ZSCAN4: variants seen among roughly 807,000 people sequenced by gnomAD.
The protein encoded by ZSCAN4 is zinc finger and SCAN domain-containing protein 4.
ZSCAN4 carries 18 observed loss-of-function variants against 18.3 expected under a neutral mutation model. The ratio of observed to expected loss-of-function variants is 0.98; its 90% CI spans 0.68 to 1.46. ZSCAN4 has a LOEUF of 1.46. Ranked by LOEUF, ZSCAN4 falls within the 40% of genes most tolerant of loss-of-function variation. The pLI, the probability that ZSCAN4 is intolerant of heterozygous loss-of-function variation, is 0.00. For synonymous variants in ZSCAN4, 193 were observed against 180.3 expected (o/e 1.07, Z -0.57); for missense variants, 498 against 511.4 (o/e 0.97, Z 0.25).
exon 5 of ZSCAN4, chr19:57,678,633 G>C (rs780652384): frequency 2.5e-6 from 4 of 1,613,856 alleles, no homozygotes; most frequent in East Asian, 2.2e-5. Flanking sequence ...TGTTTGTCCC[G>C]AGTGTCAAAA....
chr19:57,669,649 A>G (rs991112820), intron 1 of ZSCAN4, among the ~76,000 whole-genome samples: 4 of 149,258 alleles, frequency 2.7e-5, no homozygotes, highest in Non-Finnish European at 5.9e-5. Context: ...CTGGTCTCGA[A>G]CTCTTGACCT....
At chr19:57,665,579 T>C (rs1036214176), upstream of ZSCAN4, among the ~76,000 whole-genome samples, 5 of 152,196 alleles carry the variant, frequency 3.3e-5, no homozygotes, top group Non-Finnish European at 2.9e-5. Context: ...GGGTGAATCA[T>C]TGTTCTTTTG....
At chr19:57,670,968 C>A (rs544990486) in intron 2 of ZSCAN4, among the ~76,000 whole-genome samples, 1 of 151,832 alleles carries the variant, frequency 6.6e-6, no homozygotes, top group South Asian at 2.1e-4. Flanking sequence ...CTCAAGTGAT[C>A]CTTCCACCTT....
exon 5 of ZSCAN4, chr19:57,678,733 T>G (rs1473056309): frequency 6.2e-7 from 1 of 1,614,092 alleles, no homozygotes; most frequent in Non-Finnish European, 8.5e-7. Context: ...AAAAAGTCCT[T>G]CAGCCACAAA....
chr19:57,663,264 A>G, the ZSCAN4 span, among the ~76,000 whole-genome samples: 4 of 151,740 alleles, frequency 2.6e-5, no homozygotes, highest in Non-Finnish European at 5.9e-5. Context: ...GCAAAAAAAA[A>G]TCACTTCTAT....
chr19:57,673,165 C>T (rs943307728), intron 2 of ZSCAN4, among the ~76,000 whole-genome samples: 6 of 151,960 alleles, frequency 3.9e-5, no homozygotes, highest in Admixed American at 3.3e-4. Context: ...TCTCCTGCCT[C>T]AGCCTACCGA....
chr19:57,676,318 C>G, exon 3 of ZSCAN4: 1 of 1,614,176 alleles, frequency 6.2e-7, no homozygotes, highest in Non-Finnish European at 8.5e-7. Context: ...AATTCATATG[C>G]AAGGCAGGAA....
the ZSCAN4 span, among the ~76,000 whole-genome samples, chr19:57,655,194 C>T: frequency 3.3e-5 from 5 of 152,294 alleles, no homozygotes; most frequent in Non-Finnish European, 7.4e-5. Context: ...CTTCTTGAGC[C>T]TTGTGGGATA....
chr19:57,679,112 C>T (rs1191762224), exon 5 of ZSCAN4: 3 of 407,420 alleles, frequency 7.4e-6, no homozygotes, highest in African/African-American at 4.1e-5. Context: ...GGAACATTTC[C>T]AAGAACCAAT....
chr19:57,663,360 C>T, the ZSCAN4 span, among the ~76,000 whole-genome samples: 1 of 151,334 alleles, frequency 6.6e-6, no homozygotes, highest in Non-Finnish European at 1.5e-5. Context: ...CCTTTCTATA[C>T]CATTAAGATA....
At chr19:57,653,737 G>C in the ZSCAN4 span, among the ~76,000 whole-genome samples, 11 of 152,192 alleles carry the variant, frequency 7.2e-5, no homozygotes, top group African/African-American at 2.4e-4. Flanking sequence ...TCAACCTCAG[G>C]ACAGCCCTCA....
At chr19:57,661,870 T>C in the ZSCAN4 span, among the ~76,000 whole-genome samples, 3 of 151,984 alleles carry the variant, frequency 2.0e-5, no homozygotes, top group African/African-American at 4.8e-5. Context: ...AAATCTGAGG[T>C]CAGGAGTTCA....
the ZSCAN4 span, among the ~76,000 whole-genome samples, chr19:57,657,005 G>C: frequency 6.6e-6 from 1 of 151,252 alleles, no homozygotes; most frequent in African/African-American, 2.4e-5. Flanking sequence ...CAACGCTTTG[G>C]GGGGCTGAGG....
At chr19:57,656,295 G>C in the ZSCAN4 span, among the ~76,000 whole-genome samples, 97 of 152,298 alleles carry the variant, frequency 6.4e-4, 1 homozygote, top group East Asian at 0.014. Context: ...TTTCCCAGCA[G>C]ACATCCCTCA....
At chr19:57,671,105 G>T (rs1430747305) in intron 2 of ZSCAN4, among the ~76,000 whole-genome samples, 1 of 151,990 alleles carries the variant, frequency 6.6e-6, no homozygotes, top group Non-Finnish European at 1.5e-5. Flanking sequence ...CCAGTGATTT[G>T]CCCACTTTCA....
chr19:57,662,670 C>A, the ZSCAN4 span, among the ~76,000 whole-genome samples: 1 of 151,952 alleles, frequency 6.6e-6, no homozygotes, highest in South Asian at 2.1e-4. Context: ...AAGTGATTCT[C>A]CTGCCTCAGC....
chr19:57,663,568 G>A, the ZSCAN4 span, among the ~76,000 whole-genome samples: 2 of 138,632 alleles, frequency 1.4e-5, no homozygotes, highest in Non-Finnish European at 3.0e-5. Flanking sequence ...GTGGTATCAT[G>A]AGCCTGTAAT....
At chr19:57,662,607 A>G in the ZSCAN4 span, among the ~76,000 whole-genome samples, 1 of 152,044 alleles carries the variant, frequency 6.6e-6, no homozygotes, top group Non-Finnish European at 1.5e-5. Context: ...TATTGCCCAG[A>G]CTGGAGTGCA....
chr19:57,656,626 G>T, the ZSCAN4 span, among the ~76,000 whole-genome samples: 8 of 152,170 alleles, frequency 5.3e-5, no homozygotes, highest in Non-Finnish European at 1.0e-4. Flanking sequence ...CTGGCAAGTT[G>T]ACTTCACCCA....
Sources: allele counts gnomAD v4.1 joint callset (sites outside exome capture counted in the v4.1 genomes callset), GRCh38; gene constraint gnomAD v4.1.1; transcripts MANE v1.5; gene names NCBI Gene and HGNC (gene_info 2026-07-23, HGNC 2026-07-21).